The following KLHL1 variants were observed in gnomAD, a reference collection of about 807,000 sequenced individuals.
The protein encoded by KLHL1 is kelch-like protein 1.
In KLHL1, 47 loss-of-function variants were observed where a neutral mutation model predicts 77.7. The ratio of observed to expected loss-of-function variants is 0.60; its 90% confidence interval spans 0.48 to 0.77. The LOEUF (loss-of-function observed/expected upper bound fraction) is 0.77, where lower values mean the gene tolerates loss of function less well. Among genes scored for constraint, KLHL1 ranks in the 30% least tolerant of loss-of-function variants. The probability of loss-of-function intolerance (pLI) is 0.00; values close to 1 mark genes in which losing one functional copy is unlikely to be tolerated. For synonymous variants in KLHL1, 360 were observed against 325.2 expected (o/e 1.11, Z -1.15); for missense variants, 925 against 910.8 (o/e 1.02, Z -0.20).
chr13:69,760,076 A>T (rs896640911), intron 7 of KLHL1, among the ~76,000 whole-genome samples: 7 of 152,294 alleles, frequency 4.6e-5, no homozygotes, highest in African/African-American at 1.7e-4. Flanking sequence ...GGTAAATGTC[A>T]AAAACGTAAA....
chr13:70,073,899 C>T lies in KLHL1; in HGVS notation c.497+33304G>A, dbSNP rs946981782. ...GGAGGGCAGTGGTGTGATCTTGGCT[C>T]ACCGCAGCCTCCACCTCCTGGGTTC... On this transcript the variant is annotated intron_variant, in intron 1 of 10. Coordinates refer to ENST00000377844, the MANE Select transcript of KLHL1 (RefSeq NM_020866.3). Among the ~76,000 whole-genome samples the T allele has an allele frequency of 2.8e-4, 42 of 151,510 alleles. 1 individual carries two copies. Among genetic ancestry groups the T allele is most frequent in the Admixed American group, 2.6e-3 (40 of 15,222 alleles).
intron 1 of KLHL1, among the ~76,000 whole-genome samples, chr13:70,103,842 A>G (rs920160936): frequency 7.9e-5 from 12 of 152,160 alleles, no homozygotes; most frequent in Admixed American, 3.3e-4. Context: ...ACTGGACTCT[A>G]TGACATCTAT....
At chr13:70,006,945 C>A (rs1209269137) in intron 1 of KLHL1, among the ~76,000 whole-genome samples, 1 of 151,782 alleles carries the variant, frequency 6.6e-6, no homozygotes, top group Non-Finnish European at 1.5e-5. Flanking sequence ...GTTTTTATAT[C>A]AAAATACATT....
intron 4 of KLHL1, among the ~76,000 whole-genome samples, chr13:69,919,839 T>C (rs181681931): frequency 3.1e-4 from 47 of 152,268 alleles, no homozygotes; most frequent in Non-Finnish European, 5.7e-4. Flanking sequence ...GTCACATATA[T>C]TTATTTCAGT....
chr13:69,720,640 C>G (rs1873003049), intron 8 of KLHL1, among the ~76,000 whole-genome samples: 1 of 151,726 alleles, frequency 6.6e-6, no homozygotes, highest in African/African-American at 2.4e-5. Flanking sequence ...AAATAAGTAA[C>G]CAGAAAAGGT....
At chr13:69,724,926 A>C (rs1300042748) in intron 8 of KLHL1, among the ~76,000 whole-genome samples, 2 of 152,176 alleles carry the variant, frequency 1.3e-5, no homozygotes, top group African/African-American at 2.4e-5. Flanking sequence ...TGAATTAATA[A>C]ATATCATGTT....
At chr13:70,084,547 CT>C (rs550144481) in intron 1 of KLHL1, among the ~76,000 whole-genome samples, 242 of 136,788 alleles carry the variant, frequency 1.8e-3, no homozygotes, top group Non-Finnish European at 2.8e-3. Context: ...CAAGCTCCAC[CT>C]TCCGGGTTCA....
intron 1 of KLHL1, among the ~76,000 whole-genome samples, chr13:69,976,742 T>A (rs1264191384): frequency 2.6e-5 from 4 of 152,110 alleles, no homozygotes; most frequent in African/African-American, 9.6e-5. Flanking sequence ...TGCAGCTGAC[T>A]AAATCCCTCT....
chr13:70,029,546 C>G (rs1028574080), intron 1 of KLHL1, among the ~76,000 whole-genome samples: 7 of 152,100 alleles, frequency 4.6e-5, no homozygotes, highest in African/African-American at 1.7e-4. Flanking sequence ...TACAGACAAG[C>G]AAATGCTGAG....
chr13:70,081,876 C>T (rs1156481398), intron 1 of KLHL1, among the ~76,000 whole-genome samples: 1 of 152,078 alleles, frequency 6.6e-6, no homozygotes, highest in South Asian at 2.1e-4. Context: ...GAATGGAAAA[C>T]TAATAGAGTT....
intron 5 of KLHL1, among the ~76,000 whole-genome samples, chr13:69,841,018 C>T (rs920757425): frequency 9.2e-5 from 14 of 151,868 alleles, no homozygotes; most frequent in East Asian, 1.9e-4. Context: ...CATTTTTCTT[C>T]TCTCCTTTTC....
chr13:69,812,198 T>C (rs1794304439), intron 6 of KLHL1, among the ~76,000 whole-genome samples: 2 of 152,194 alleles, frequency 1.3e-5, no homozygotes, highest in Admixed American at 1.3e-4. Flanking sequence ...TCAGTTTCCA[T>C]GCAATTGAGC....
At chr13:69,916,782 T>C (rs182544708) in intron 4 of KLHL1, among the ~76,000 whole-genome samples, 23 of 151,616 alleles carry the variant, frequency 1.5e-4, no homozygotes, top group Non-Finnish European at 2.5e-4. Flanking sequence ...ACATAGTAAA[T>C]GGCTATATTT....
chr13:69,998,341 C>T (rs895205691), intron 1 of KLHL1, among the ~76,000 whole-genome samples: 11 of 151,732 alleles, frequency 7.2e-5, no homozygotes, highest in Non-Finnish European at 1.6e-4. Context: ...AATTAGAGCT[C>T]ACACAATGGG....
chr13:69,777,163 A>G (rs1875873565), intron 7 of KLHL1, among the ~76,000 whole-genome samples: 1 of 151,978 alleles, frequency 6.6e-6, no homozygotes. Context: ...GCCATCATGT[A>G]AGACGTGCCT....
At chr13:69,867,961 C>G (rs1880434649) in intron 5 of KLHL1, among the ~76,000 whole-genome samples, 1 of 151,834 alleles carries the variant, frequency 6.6e-6, no homozygotes, top group African/African-American at 2.4e-5. Context: ...ATGTAACTAA[C>G]CTGCACGTTG....
chr13:69,961,654 T>C (rs895573267), intron 2 of KLHL1, among the ~76,000 whole-genome samples: 2 of 152,122 alleles, frequency 1.3e-5, no homozygotes, highest in African/African-American at 4.8e-5. Context: ...CATTTTCTTC[T>C]ATCACTTGAA....
intron 1 of KLHL1, among the ~76,000 whole-genome samples, chr13:70,020,370 G>A (rs1885758830): frequency 6.6e-6 from 1 of 152,078 alleles, no homozygotes; most frequent in Admixed American, 6.6e-5. Flanking sequence ...ATATAAACAT[G>A]TATGTATATT....
intron 1 of KLHL1, among the ~76,000 whole-genome samples, chr13:69,979,182 A>G (rs1884636738): frequency 2.0e-5 from 3 of 151,802 alleles, no homozygotes; most frequent in Non-Finnish European, 2.9e-5. Context: ...AAAAAAATAA[A>G]TAAGTTCCAG....
Sources: allele counts gnomAD v4.1 joint callset (sites outside exome capture counted in the v4.1 genomes callset), GRCh38; gene constraint gnomAD v4.1.1; transcripts MANE v1.5; gene names NCBI Gene and HGNC (gene_info 2026-07-23, HGNC 2026-07-21).